ZNF385D: variants seen among roughly 807,000 people sequenced by gnomAD.
The protein encoded by ZNF385D is zinc finger protein 659.
ZNF385D carries 15 observed loss-of-function variants against 35.8 expected under a neutral mutation model. The ratio of observed to expected loss-of-function variants is 0.42; its 90% CI spans 0.28 to 0.64. The LOEUF is 0.64. ZNF385D is among the 30% of genes least tolerant of loss of function. The probability of loss-of-function intolerance (pLI) is 0.23; values close to 1 mark genes in which losing one functional copy is unlikely to be tolerated. For missense variants in ZNF385D, 474 were observed against 494.6 expected (o/e 0.96, Z 0.39); for synonymous variants, 212 against 186.8 (o/e 1.13, Z -1.10).
At chr3:21,862,800 T>A (rs1479982) in intron 3 of ZNF385D, among the ~76,000 whole-genome samples, 60,027 of 151,950 alleles carry the variant, frequency 0.4, 12,189 homozygotes, top group Non-Finnish European at 0.43. Flanking sequence ...GATCTGAGAT[T>A]GTTTTGCCAA....
chr3:21,839,908 G>C (rs913590784), intron 3 of ZNF385D, among the ~76,000 whole-genome samples: 2 of 151,966 alleles, frequency 1.3e-5, no homozygotes, highest in African/African-American at 4.8e-5. Context: ...TAAAGACCGA[G>C]AGCGCACAGC....
intron 2 of ZNF385D, among the ~76,000 whole-genome samples, chr3:22,256,626 G>C (rs1700333182): frequency 1.3e-5 from 2 of 151,850 alleles, no homozygotes; most frequent in South Asian, 4.1e-4. Context: ...CAAAACATTT[G>C]CTGCTGCTGT....
intron 2 of ZNF385D, among the ~76,000 whole-genome samples, chr3:21,608,023 G>GTTTTTTTTTTGTTTTTTTTTTTTTTTT (rs2064545249): frequency 8.3e-6 from 1 of 120,238 alleles, no homozygotes; most frequent in Non-Finnish European, 1.7e-5. Context: ...TTTTTTTTTT[G>GTTTTTTTTTTGTTTTTTTTTTTTTTTT]TTTTTTTTTT....
intron 3 of ZNF385D, among the ~76,000 whole-genome samples, chr3:22,084,259 T>C (rs1385828736): frequency 2.0e-5 from 3 of 152,048 alleles, no homozygotes; most frequent in Admixed American, 2.0e-4. Context: ...AAATGGGCTA[T>C]ATGCTCAATT....
chr3:21,488,645 C>T (rs1442526755), intron 4 of ZNF385D, among the ~76,000 whole-genome samples: 2 of 152,000 alleles, frequency 1.3e-5, no homozygotes, highest in Admixed American at 1.3e-4. Context: ...TCCTCCCAAT[C>T]ATCCTGAATC....
intron 3 of ZNF385D, among the ~76,000 whole-genome samples, chr3:22,089,249 C>T (rs2125598203): frequency 6.6e-6 from 1 of 152,270 alleles, no homozygotes. Flanking sequence ...TATTACAGTA[C>T]ATGTCTATAC....
chr3:21,728,321 C>T (rs915337260), intron 1 of ZNF385D, among the ~76,000 whole-genome samples: 2 of 147,176 alleles, frequency 1.4e-5, no homozygotes, highest in African/African-American at 2.6e-5. Flanking sequence ...TAAAAGCAGA[C>T]GTCCACCTAA....
At chr3:21,718,213 G>A (rs1217489800) in intron 1 of ZNF385D, among the ~76,000 whole-genome samples, 5 of 152,236 alleles carry the variant, frequency 3.3e-5, no homozygotes. Context: ...AGCCCACTGG[G>A]AGATTTCTTG....
At chr3:22,301,725 C>A (rs1029559812) in intron 2 of ZNF385D, among the ~76,000 whole-genome samples, 6 of 152,012 alleles carry the variant, frequency 3.9e-5, no homozygotes, top group Non-Finnish European at 5.9e-5. Flanking sequence ...CTTGTGTCTG[C>A]AGGAAGCCAT....
chr3:22,097,051 A>T (rs566172531), intron 3 of ZNF385D, among the ~76,000 whole-genome samples: 1 of 152,100 alleles, frequency 6.6e-6, no homozygotes, highest in Non-Finnish European at 1.5e-5. Flanking sequence ...CTCTAGGAGA[A>T]AGTGACTGCA....
chr3:21,849,643 T>C (rs1360052878), intron 3 of ZNF385D: 1 of 121,910 alleles, frequency 8.2e-6, no homozygotes. Flanking sequence ...ACCATCGCTC[T>C]ACACATCATT....
At chr3:22,314,866 A>C (rs1221290710) in intron 2 of ZNF385D, among the ~76,000 whole-genome samples, 2 of 152,098 alleles carry the variant, frequency 1.3e-5, no homozygotes, top group Non-Finnish European at 2.9e-5. Context: ...TCAGCCCCCC[A>C]AAAAACCAAA....
intron 1 of ZNF385D, among the ~76,000 whole-genome samples, chr3:21,688,107 G>C (rs1322121079): frequency 6.6e-6 from 1 of 151,830 alleles, no homozygotes; most frequent in Admixed American, 6.6e-5. Flanking sequence ...ATTATTTTTG[G>C]TGTCTCTACT....
chr3:21,475,512 CT>C (rs1704175795), intron 4 of ZNF385D, among the ~76,000 whole-genome samples: 1 of 151,960 alleles, frequency 6.6e-6, no homozygotes, highest in Non-Finnish European at 1.5e-5. Flanking sequence ...AAAGGTTTAT[CT>C]TTTCTTAAAA....
intron 3 of ZNF385D, among the ~76,000 whole-genome samples, chr3:21,953,937 C>G (rs1400921686): frequency 6.6e-6 from 1 of 151,992 alleles, no homozygotes; most frequent in Non-Finnish European, 1.5e-5. Context: ...GAGATCCCTT[C>G]CAACATGCTT....
At chr3:21,482,472 T>A (rs750315470) in intron 4 of ZNF385D, among the ~76,000 whole-genome samples, 2 of 152,192 alleles carry the variant, frequency 1.3e-5, no homozygotes, top group African/African-American at 4.8e-5. Flanking sequence ...AGGCAACCAT[T>A]CCCTAAGTCA....
At chr3:22,089,008 C>A (rs746453292) in intron 3 of ZNF385D, among the ~76,000 whole-genome samples, 2 of 152,052 alleles carry the variant, frequency 1.3e-5, no homozygotes, top group Non-Finnish European at 2.9e-5. Context: ...ACATTTACAT[C>A]GTATTATTTT....
intron 3 of ZNF385D, among the ~76,000 whole-genome samples, chr3:21,520,332 C>T (rs1707830746): frequency 6.6e-6 from 1 of 152,186 alleles, no homozygotes; most frequent in Non-Finnish European, 1.5e-5. Flanking sequence ...TATTACTCAT[C>T]ATCCTGTCCC....
At chr3:21,516,567 G>T (rs948104818) in intron 3 of ZNF385D, among the ~76,000 whole-genome samples, 5 of 152,080 alleles carry the variant, frequency 3.3e-5, no homozygotes, top group Admixed American at 2.0e-4. Flanking sequence ...CGTTACTCTT[G>T]TTTATAGTAC....
Sources: gnomAD v4.1 joint callset for allele counts (sites outside exome capture counted in the v4.1 genomes callset) on GRCh38, gnomAD v4.1.1 for gene constraint, MANE v1.5 for transcripts, NCBI Gene and HGNC (gene_info 2026-07-23, HGNC 2026-07-21) for gene names.